Variants in EPB41L5 observed in about 807,000 individuals in gnomAD.
EPB41L5 encodes the protein band 4.1-like protein 5.
A neutral mutation model predicts 106.6 loss-of-function variants in EPB41L5; 55 were observed. The ratio of observed to expected loss-of-function variants is 0.52; its 90% CI spans 0.42 to 0.65. The LOEUF (loss-of-function observed/expected upper bound fraction) is 0.65, where lower values mean the gene tolerates loss of function less well. EPB41L5 is among the 30% of genes least tolerant of loss of function. The pLI is 0.00. For synonymous variants in EPB41L5, 297 were observed against 306.7 expected, an observed-to-expected ratio of 0.97 and a Z score of 0.33; for missense variants, 871 against 882.1, an observed-to-expected ratio of 0.99 and a Z score of 0.16.
chr2:120,030,425 G>T (rs1476861952), intron 2 of EPB41L5, among the ~76,000 whole-genome samples: 1 of 152,164 alleles, frequency 6.6e-6, no homozygotes, highest in African/African-American at 2.4e-5. Context: ...TCGGTAATCT[G>T]GCTCAACCAG....
chr2:120,100,649 A>C (rs781552819), intron 15 of EPB41L5, 50 bp from the exon 16 acceptor site: 2 of 1,278,848 alleles, frequency 1.6e-6, no homozygotes, highest in Admixed American at 3.4e-5. Context: ...GTTGGTGAAG[A>C]GATCTGTTAT....
intron 2 of EPB41L5, among the ~76,000 whole-genome samples, chr2:120,029,117 G>A (rs1479156616): frequency 6.6e-6 from 1 of 152,120 alleles, no homozygotes; most frequent in Admixed American, 6.6e-5. Flanking sequence ...GCAGATCTGA[G>A]TTTCTTTAAG....
intron 16 of EPB41L5, among the ~76,000 whole-genome samples, chr2:120,111,503 A>G (rs979619167): frequency 6.6e-6 from 1 of 152,132 alleles, no homozygotes; most frequent in Non-Finnish European, 1.5e-5. Context: ...ATGCATACTG[A>G]AGTTTGAGAA....
In EPB41L5 at chr2:120,167,884, G is replaced by A; in HGVS notation, c.2012G>A (p.Gly671Asp). ...ITPRWIVPQS[G>D]AMSNGLAGCE... is the part of the protein sequence containing the mutation. ...TGTGTGTATCTCCCACAGCAGAGTG[G>A]TGCCATGTCTAATGGACTTGCGGGA... Residue 671 changes from glycine to aspartate, a missense_variant, in exon 24 of 25, where the codon GGT (glycine) becomes GAT (aspartate). Physicochemically the swap from Gly to Asp is moderately conservative, Grantham distance 94 (BLOSUM62 -1). Coordinates refer to ENST00000263713, the MANE Select transcript of EPB41L5 (RefSeq NM_020909.4). The A allele has an allele frequency of 6.2e-7, 1 of 1,614,126 alleles. No homozygotes were observed. The highest frequency in any genetic ancestry group is 8.5e-7 in the Non-Finnish European group (1 of 1,180,004).
intron 16 of EPB41L5, among the ~76,000 whole-genome samples, chr2:120,110,623 C>A: frequency 6.6e-6 from 1 of 151,206 alleles, no homozygotes; most frequent in Non-Finnish European, 1.5e-5. Flanking sequence ...CCCTCCTGCC[C>A]TACCTTCCCC....
chr2:120,163,266 C>A (rs889299451), intron 21 of EPB41L5, among the ~76,000 whole-genome samples: 3 of 138,682 alleles, frequency 2.2e-5, no homozygotes, highest in Admixed American at 7.0e-5. Context: ...CTGCCCCCCC[C>A]CCCCCCAAAA....
intron 3 of EPB41L5, among the ~76,000 whole-genome samples, chr2:120,056,356 G>T (rs993398810): frequency 2.0e-4 from 30 of 151,182 alleles, no homozygotes; most frequent in Admixed American, 1.7e-3. Flanking sequence ...TTGGAGTGCA[G>T]TGGCGTGATC....
At chr2:120,084,337 C>G (rs1242964235) in intron 10 of EPB41L5, among the ~76,000 whole-genome samples, 1 of 152,190 alleles carries the variant, frequency 6.6e-6, no homozygotes, top group African/African-American at 2.4e-5. Flanking sequence ...CAAAATCTCT[C>G]AGCATTTGCT....
intron 16 of EPB41L5, among the ~76,000 whole-genome samples, chr2:120,122,026 G>T (rs567076954): frequency 6.6e-6 from 1 of 152,136 alleles, no homozygotes; most frequent in African/African-American, 2.4e-5. Context: ...TGATGGGGTT[G>T]TTTTTTTCTT....
intron 10 of EPB41L5, among the ~76,000 whole-genome samples, chr2:120,086,232 T>C (rs1683045047): frequency 6.6e-6 from 1 of 152,186 alleles, no homozygotes; most frequent in African/African-American, 2.4e-5. Flanking sequence ...TTCTTCATTA[T>C]TGTTTTAGTA....
At chr2:120,106,041 A>T (rs554281987) in intron 16 of EPB41L5, 55 of 984,832 alleles carry the variant, frequency 5.6e-5, no homozygotes, top group Admixed American at 1.2e-4. Context: ...TATATATCTT[A>T]GCAGATTGTA....
chr2:120,049,589 A>G (rs1680073470), intron 3 of EPB41L5, among the ~76,000 whole-genome samples: 1 of 152,072 alleles, frequency 6.6e-6, no homozygotes, highest in Non-Finnish European at 1.5e-5. Context: ...TCCTGAATAC[A>G]GTACACTGGG....
intron 20 of EPB41L5, among the ~76,000 whole-genome samples, chr2:120,157,637 C>T (rs1029966257): frequency 2.0e-5 from 3 of 151,766 alleles, no homozygotes; most frequent in South Asian, 2.1e-4. Flanking sequence ...GGCGGGGTGG[C>T]GCATGCCTGT....
At chr2:120,060,439 A>G (rs535638915) in intron 3 of EPB41L5, among the ~76,000 whole-genome samples, 2 of 152,200 alleles carry the variant, frequency 1.3e-5, no homozygotes, top group African/African-American at 4.8e-5. Flanking sequence ...ATAAAAAGAA[A>G]AAACTATTGA....
intron 11 of EPB41L5, among the ~76,000 whole-genome samples, chr2:120,088,216 C>A (rs908169553): frequency 6.6e-6 from 1 of 152,022 alleles, no homozygotes; most frequent in South Asian, 2.1e-4. Flanking sequence ...GACTGCTATA[C>A]TTTTCCTGTT....
chr2:120,067,028 C>T (rs1681489385), intron 3 of EPB41L5, among the ~76,000 whole-genome samples: 1 of 152,158 alleles, frequency 6.6e-6, no homozygotes, highest in Non-Finnish European at 1.5e-5. Flanking sequence ...CAGACCGGAG[C>T]TGTTCCTATT....
intron 16 of EPB41L5, among the ~76,000 whole-genome samples, chr2:120,122,546 G>C (rs529004135): frequency 6.6e-6 from 1 of 152,038 alleles, no homozygotes; most frequent in Non-Finnish European, 1.5e-5. Context: ...TCTCTGTTTT[G>C]GTACCAGTAC....
intron 2 of EPB41L5, among the ~76,000 whole-genome samples, chr2:120,035,543 G>T (rs914335728): frequency 2.6e-5 from 4 of 152,188 alleles, no homozygotes; most frequent in African/African-American, 9.7e-5. Context: ...GTGATAGAGT[G>T]CCTGTAGTTC....
At chr2:120,138,947 A>G (rs1686054873) in intron 18 of EPB41L5, among the ~76,000 whole-genome samples, 1 of 152,088 alleles carries the variant, frequency 6.6e-6, no homozygotes, top group South Asian at 2.1e-4. Context: ...ACAGAGCTAT[A>G]GTAACCAAAA....
Sources: allele counts gnomAD v4.1 joint callset (sites outside exome capture counted in the v4.1 genomes callset), GRCh38; gene constraint gnomAD v4.1.1; transcripts MANE v1.5; gene names NCBI Gene and HGNC (gene_info 2026-07-23, HGNC 2026-07-21).